ARHGAP24: variants seen among roughly 807,000 people sequenced by gnomAD.
The protein encoded by ARHGAP24 is Rho GTPase activating protein 24.
In ARHGAP24, 50 loss-of-function variants were observed where a neutral mutation model predicts 76.4. That is an observed-to-expected ratio of 0.65 (90% CI 0.52 to 0.83). ARHGAP24 has a LOEUF of 0.83. ARHGAP24 is among the 40% of genes least tolerant of loss of function. ARHGAP24 has a pLI of 0.00. For missense variants in ARHGAP24, 930 were observed against 914.2 expected (o/e 1.02, Z -0.22); for synonymous variants, 345 against 323.3 (o/e 1.07, Z -0.72).
intron 2 of ARHGAP24, among the ~76,000 whole-genome samples, chr4:85,612,407 G>A (rs1176858906): frequency 6.6e-6 from 1 of 151,650 alleles, no homozygotes; most frequent in Non-Finnish European, 1.5e-5. Context: ...GAGCCTCACT[G>A]CACTCCAGCC....
intron 1 of ARHGAP24, among the ~76,000 whole-genome samples, chr4:85,528,236 C>T (rs1725096186): frequency 6.6e-6 from 1 of 151,976 alleles, no homozygotes; most frequent in Non-Finnish European, 1.5e-5. Flanking sequence ...TATTCCACAC[C>T]ACATCAGTTG....
rs931381780 is a variant in ARHGAP24 at position 85,631,624 on chromosome 4, T to A, written c.180+60903T>A. 2.6e-5 allele frequency among the ~76,000 whole-genome samples: 4 copies of A among 152,256 alleles called. 1 individual carries two copies. The highest frequency in any genetic ancestry group is 9.6e-5 in the African/African-American group (4 of 41,580). On this transcript the variant is annotated intron_variant, in intron 2 of 9. Transcript: ENST00000395184. ...AAATAGATTCAATGTTCACTTCTAATCATTTTGCTATAGATTTCCTATTCT... is the reference window on the plus strand; with the variant it reads ...AAATAGATTCAATGTTCACTTCTAAACATTTTGCTATAGATTTCCTATTCT...
At position 85,573,909 on chromosome 4, in the gene ARHGAP24, G is replaced by C. The variant is rs559557869; in HGVS notation, c.180+3188G>C. On this transcript the variant is annotated intron_variant, in intron 2 of 9. Transcript: ENST00000395184. The stretch of plus-strand genomic sequence containing the variant: ...CCTTTACCTTTGCTTTTAGTCAGAG[G>C]TATTTCTTGCTTTTTTCTTTTCACT... Among the ~76,000 whole-genome samples the C allele has an allele frequency of 3.3e-5, 5 of 152,226 alleles. No individual in the cohort carries two copies. In the South Asian group the frequency reaches 1.0e-3, roughly 32 times the overall value.
chr4:85,650,933 G>T (rs1721916852), intron 2 of ARHGAP24, among the ~76,000 whole-genome samples: 1 of 149,646 alleles, frequency 6.7e-6, no homozygotes, highest in Admixed American at 6.6e-5. Context: ...AATTGCCTTT[G>T]AAAATCTGCA....
intron 3 of ARHGAP24, among the ~76,000 whole-genome samples, chr4:85,867,895 G>A (rs1189895036): frequency 6.7e-5 from 1 of 14,846 alleles, no homozygotes; most frequent in South Asian, 0.014. Flanking sequence ...ATGTGTGTGT[G>A]TACATATATA....
intron 1 of ARHGAP24, among the ~76,000 whole-genome samples, chr4:85,522,119 A>T (rs1012800721): frequency 6.6e-6 from 1 of 152,194 alleles, no homozygotes; most frequent in Admixed American, 6.5e-5. Flanking sequence ...CCAATTAAAA[A>T]TTCATTAAAA....
chr4:85,640,946 T>C (rs1721497335), intron 2 of ARHGAP24, among the ~76,000 whole-genome samples: 1 of 152,026 alleles, frequency 6.6e-6, no homozygotes, highest in South Asian at 2.1e-4. Context: ...CTCAAGCAAA[T>C]ACAGAATTCA....
intron 5 of ARHGAP24, among the ~76,000 whole-genome samples, chr4:85,950,189 G>T (rs1261647662): frequency 1.3e-5 from 2 of 152,062 alleles, no homozygotes; most frequent in African/African-American, 4.8e-5. Context: ...CTTGCTTGAA[G>T]AACATAAAGA....
At chr4:85,765,124 T>C (rs1041830121) in intron 3 of ARHGAP24, among the ~76,000 whole-genome samples, 1 of 152,142 alleles carries the variant, frequency 6.6e-6, no homozygotes, top group African/African-American at 2.4e-5. Flanking sequence ...CTGAAACTAA[T>C]ATTTAAATGA....
At chr4:85,853,377 C>T (rs1360080391) in intron 3 of ARHGAP24, among the ~76,000 whole-genome samples, 1 of 152,190 alleles carries the variant, frequency 6.6e-6, no homozygotes, top group East Asian at 1.9e-4. Flanking sequence ...CGGGTACAGT[C>T]TGTCACAGCT....
At chr4:85,660,081 T>G (rs1234172300) in intron 2 of ARHGAP24, among the ~76,000 whole-genome samples, 1 of 152,178 alleles carries the variant, frequency 6.6e-6, no homozygotes, top group African/African-American at 2.4e-5. Flanking sequence ...GGCATGTGCT[T>G]AACTTCAGAT....
chr4:85,942,352 A>G, intron 5 of ARHGAP24, 79 bp downstream of exon 5: 1 of 1,466,038 alleles, frequency 6.8e-7, no homozygotes, highest in Non-Finnish European at 9.5e-7. Context: ...CTGAGGAGGC[A>G]TAACCTTGAT....
At chr4:85,542,961 C>A (rs1056936594) in intron 1 of ARHGAP24, among the ~76,000 whole-genome samples, 3 of 152,208 alleles carry the variant, frequency 2.0e-5, no homozygotes, top group Non-Finnish European at 4.4e-5. Context: ...TAAGCACTTA[C>A]AACATTGCCT....
chr4:85,575,999 G>GT (rs1473918183), intron 2 of ARHGAP24, among the ~76,000 whole-genome samples: 1 of 152,162 alleles, frequency 6.6e-6, no homozygotes, highest in East Asian at 1.9e-4. Context: ...TGTGGGGAAG[G>GT]TTTTTTCTGT....
chr4:85,777,480 G>A (rs1184807078), intron 3 of ARHGAP24, among the ~76,000 whole-genome samples: 36 of 152,156 alleles, frequency 2.4e-4, no homozygotes, highest in Admixed American at 2.4e-3. Flanking sequence ...ATTAATAGTG[G>A]CCAGAGTGAT....
intron 3 of ARHGAP24, among the ~76,000 whole-genome samples, chr4:85,890,140 C>T (rs1733807437): frequency 6.6e-6 from 1 of 152,176 alleles, no homozygotes; most frequent in African/African-American, 2.4e-5. Flanking sequence ...TGAGGACAAT[C>T]AGCGCCTTTC....
chr4:85,556,635 A>G (rs1314008844), intron 1 of ARHGAP24, among the ~76,000 whole-genome samples: 1 of 152,150 alleles, frequency 6.6e-6, no homozygotes, highest in Non-Finnish European at 1.5e-5. Flanking sequence ...CAGGTTAATC[A>G]TATTGGGGGC....
intron 3 of ARHGAP24, among the ~76,000 whole-genome samples, chr4:85,911,408 A>G (rs993902371): frequency 2.6e-5 from 4 of 152,228 alleles, no homozygotes; most frequent in Non-Finnish European, 5.9e-5. Context: ...AAAAAAAATT[A>G]AAACAATGAA....
At chr4:86,000,410 A>T in intron 9 of ARHGAP24, 69 bp from the exon 10 acceptor site, 1 of 1,123,368 alleles carries the variant, frequency 8.9e-7, no homozygotes, top group Non-Finnish European at 1.3e-6. Flanking sequence ...TTGCATTTCA[A>T]GTGAATAAAA....
Sources: allele counts gnomAD v4.1 joint callset (sites outside exome capture counted in the v4.1 genomes callset), GRCh38; gene constraint gnomAD v4.1.1; transcripts MANE v1.5; gene names NCBI Gene and HGNC (gene_info 2026-07-23, HGNC 2026-07-21).